Variants in PTGER3 observed in about 807,000 individuals in gnomAD.
PTGER3 encodes the protein prostaglandin E2 receptor EP3 subtype.
PTGER3 carries 22 observed loss-of-function variants against 34.7 expected under a neutral mutation model. The ratio of observed to expected loss-of-function variants is 0.63; its 90% confidence interval spans 0.45 to 0.91. The LOEUF (loss-of-function observed/expected upper bound fraction) is 0.91, where lower values mean the gene tolerates loss of function less well. Among genes scored for constraint, PTGER3 ranks in the 40% least tolerant of loss-of-function variants. The pLI is 0.00. For missense variants in PTGER3, 468 were observed against 519.4 expected (o/e 0.90, Z 0.96); for synonymous variants, 241 against 230.1 (o/e 1.05, Z -0.43).
In PTGER3 at chr1:70,971,346, T is replaced by A; in HGVS notation, c.*384A>T. ...CTTATACTGATTTTTCAAACTCATA[T>A]TGCAAAAGCAAGCTATCATGAAATG... On this transcript the variant is annotated 3_prime_UTR_variant, in exon 4 of 4. Transcript: ENST00000306666. 1 of 999,884 alleles carries A rather than the reference T, an allele frequency of 1.0e-6. No homozygotes were observed. The highest frequency in any genetic ancestry group is 1.2e-6 in the Non-Finnish European group (1 of 839,826). 61.9% of individuals were successfully genotyped at this position (999,884 alleles called of 1,614,324 possible).
intron 2 of PTGER3, among the ~76,000 whole-genome samples, chr1:70,955,501 G>T (rs529207121): frequency 4.6e-5 from 7 of 152,024 alleles, no homozygotes; most frequent in Admixed American, 4.6e-4. Context: ...ATGGAGGAAA[G>T]GAAGAAGGGA....
chr1:70,884,947 T>C (rs1415589528), intron 4 of PTGER3, among the ~76,000 whole-genome samples: 1 of 152,194 alleles, frequency 6.6e-6, no homozygotes, highest in Non-Finnish European at 1.5e-5. Flanking sequence ...TCTATATTTG[T>C]TGTATGCTTC....
At chr1:71,036,444 T>C (rs868256067) in intron 1 of PTGER3, among the ~76,000 whole-genome samples, 3 of 152,044 alleles carry the variant, frequency 2.0e-5, no homozygotes, top group African/African-American at 4.8e-5. Context: ...TTGAGCCCAA[T>C]AGTTCAAGGC....
intron 1 of PTGER3, among the ~76,000 whole-genome samples, chr1:71,027,069 G>C (rs1252959405): frequency 1.3e-5 from 2 of 152,110 alleles, no homozygotes; most frequent in East Asian, 1.9e-4. Context: ...TTCTAGGGAG[G>C]ACCTTAAACA....
chr1:70,921,846 A>G lies in PTGER3; in HGVS notation c.*23+31917T>C, dbSNP rs116350590. On this transcript the variant is annotated intron_variant, in intron 4 of 4. Coordinates refer to the PTGER3 transcript ENST00000370931. ...ATCTTCTGTCTATGTATTTATATGTATTATTTGTGTGATATTTATATATGA... is the reference window on the plus strand; with the variant it reads ...ATCTTCTGTCTATGTATTTATATGTGTTATTTGTGTGATATTTATATATGA... Among the ~76,000 whole-genome samples, 1,185 of 152,116 alleles carry G rather than the reference A, an allele frequency of 7.8e-3. 16 individuals are homozygous for G. Among genetic ancestry groups the G allele is most frequent in the African/African-American group, 0.027 (1,115 of 41,518 alleles).
At chr1:70,945,099 C>T (rs1000542725) in intron 4 of PTGER3, among the ~76,000 whole-genome samples, 3 of 152,122 alleles carry the variant, frequency 2.0e-5, no homozygotes, top group African/African-American at 7.2e-5. Flanking sequence ...TTCGAACCCA[C>T]AGGGGCTTGA....
chr1:71,024,625 G>A (rs763657385), intron 1 of PTGER3, among the ~76,000 whole-genome samples: 14 of 146,198 alleles, frequency 9.6e-5, no homozygotes, highest in Admixed American at 7.7e-4. Context: ...CAAATCTACC[G>A]ACATTCTATC....
downstream of PTGER3, among the ~76,000 whole-genome samples, chr1:70,950,364 T>C (rs1279107074): frequency 6.6e-6 from 1 of 152,282 alleles, no homozygotes; most frequent in East Asian, 1.9e-4. Context: ...TCCTTTAAAA[T>C]AAACAGACTC....
intron 1 of PTGER3, among the ~76,000 whole-genome samples, chr1:71,041,741 T>C (rs1660330109): frequency 6.6e-6 from 1 of 152,230 alleles, no homozygotes; most frequent in Non-Finnish European, 1.5e-5. Flanking sequence ...ATTTGACATG[T>C]TACAGTTGTA....
chr1:70,859,868 A>G (rs1174435003), intron 4 of PTGER3, among the ~76,000 whole-genome samples: 1 of 152,200 alleles, frequency 6.6e-6, no homozygotes, highest in Non-Finnish European at 1.5e-5. Context: ...TATCGGTTTG[A>G]CTTTCTGAGT....
At chr1:70,931,669 T>C (rs914050651) in intron 4 of PTGER3, among the ~76,000 whole-genome samples, 2 of 152,202 alleles carry the variant, frequency 1.3e-5, no homozygotes, top group African/African-American at 4.8e-5. Context: ...AAGCTGTATG[T>C]TGGCCCCTTT....
chr1:70,941,916 G>A (rs190665844), intron 4 of PTGER3, among the ~76,000 whole-genome samples: 42 of 151,996 alleles, frequency 2.8e-4, no homozygotes, highest in Non-Finnish European at 3.5e-4. Context: ...AATCACGACC[G>A]TCCTCCTTAA....
At chr1:71,005,116 G>T (rs572445139) in intron 2 of PTGER3, among the ~76,000 whole-genome samples, 1 of 152,320 alleles carries the variant, frequency 6.6e-6, no homozygotes, top group South Asian at 2.1e-4. Context: ...CTCATGAGTA[G>T]AAGTCAGGGA....
intron 2 of PTGER3, among the ~76,000 whole-genome samples, chr1:70,983,981 G>A (rs556484924): frequency 2.6e-4 from 39 of 152,220 alleles, no homozygotes; most frequent in Middle Eastern, 3.4e-3. Context: ...TGAACTGGCC[G>A]GAAGACGAAC....
chr1:71,046,715 A>G lies in PTGER3; in HGVS notation c.863T>C (p.Met288Thr). 6.3e-7 allele frequency: 1 copy of G among 1,595,780 alleles called. No homozygotes were observed. Among genetic ancestry groups the G allele is most frequent in the Non-Finnish European group, 8.6e-7 (1 of 1,169,546 alleles). Residue 288 changes from methionine to threonine, a missense_variant, in exon 1 of 4, where the codon ATG (methionine) becomes ACG (threonine). Met to Thr is a moderately conservative substitution (Grantham distance 81, BLOSUM62 -1). This residue lies in a region of PTGER3 where 204 missense variants were observed against 230.8 expected (regional missense o/e 0.88). Coordinates refer to ENST00000306666, the MANE Select transcript of PTGER3 (RefSeq NM_198719.2). ...AGACCAGCAGACCGACAGCACGCAC[A>G]TGATCCCCATAAGCTGAATGGCCGT... ...TETAIQLMGI[M>T]CVLSVCWSPL... is the part of the protein sequence containing the mutation.
chr1:71,033,375 A>T (rs1275009338), intron 1 of PTGER3, among the ~76,000 whole-genome samples: 3 of 152,204 alleles, frequency 2.0e-5, no homozygotes, highest in African/African-American at 4.8e-5. Context: ...CTGTTCCCAC[A>T]CATACCTTTC....
At chr1:70,970,084 A>G (rs1214622367), downstream of PTGER3, among the ~76,000 whole-genome samples, 1 of 152,144 alleles carries the variant, frequency 6.6e-6, no homozygotes, top group Non-Finnish European at 1.5e-5. Context: ...ACAGAATATC[A>G]CTGCAGCAAA....
chr1:70,980,372 C>T (rs994480741), intron 2 of PTGER3, among the ~76,000 whole-genome samples: 7 of 152,030 alleles, frequency 4.6e-5, no homozygotes, highest in South Asian at 2.1e-4. Flanking sequence ...TTATTAGCTG[C>T]GTGACCTTGG....
intron 4 of PTGER3, among the ~76,000 whole-genome samples, chr1:70,925,814 G>A (rs1257126683): frequency 6.6e-6 from 1 of 152,110 alleles, no homozygotes; most frequent in Non-Finnish European, 1.5e-5. Context: ...TTCTGGCAAT[G>A]TTCTAGGATG....
Sources: allele counts gnomAD v4.1 joint callset (sites outside exome capture counted in the v4.1 genomes callset), GRCh38; gene constraint gnomAD v4.1.1; regional missense constraint gnomAD v4.1.1; transcripts MANE v1.5; gene names NCBI Gene and HGNC (gene_info 2026-07-23, HGNC 2026-07-21).